Variants in LMOD1 observed in about 807,000 individuals in gnomAD.
The protein encoded by LMOD1 is leiomodin-1.
In LMOD1, 8 loss-of-function variants were observed where a neutral mutation model predicts 36.5. The observed-to-expected ratio is 0.22, with a 90% confidence interval of 0.13 to 0.40. The LOEUF is 0.40. Ranked by LOEUF, LMOD1 falls within the 10% of genes least tolerant of loss-of-function variation. LMOD1 has a pLI of 1.00. For missense variants in LMOD1, 630 were observed against 751.1 expected (o/e 0.84, Z 1.88); for synonymous variants, 284 against 288.7 (o/e 0.98, Z 0.17).
At chr1:201,914,424 A>G (rs1681565777) in intron 1 of LMOD1, among the ~76,000 whole-genome samples, 2 of 152,156 alleles carry the variant, frequency 1.3e-5, no homozygotes, top group Non-Finnish European at 2.9e-5. Context: ...CACATCTGGT[A>G]CGGGGCGGTA....
rs1457131263 is a variant in LMOD1, at chr1:201,920,036, G to GCT, written c.262-19287_262-19286dup. Among the ~76,000 whole-genome samples the GCT allele has an allele frequency of 3.5e-3, 469 of 134,520 alleles. 13 individuals carry two copies. The highest frequency in any genetic ancestry group is 0.012 in the African/African-American group (429 of 35,442). The allele number at this position is 134,520 out of a possible 152,430, so 88.3% of individuals were successfully genotyped here. A position where few individuals can be genotyped will look rare whatever the true frequency, so the allele number is the denominator to read the frequency against. On this transcript the variant is annotated intron_variant, in intron 1 of 2. Coordinates refer to ENST00000367288, the MANE Select transcript of LMOD1 (RefSeq NM_012134.3). ...TCAATGCCATCTCCACCCGCCACTG[G>GCT]CTCTCTCTCTTTTTTTTTTTTTTTT... is the stretch of plus-strand genomic sequence containing the variant.
At chr1:201,898,955 G>A (rs905666108) in intron 2 of LMOD1, among the ~76,000 whole-genome samples, 11 of 152,330 alleles carry the variant, frequency 7.2e-5, no homozygotes, top group African/African-American at 2.6e-4. Context: ...ATTTTAAGGA[G>A]AAACAGGCTT....
At position 201,900,656 on chromosome 1, in the gene LMOD1, T is replaced by A; in HGVS notation, c.357A>T (p.Ser119=). 6.2e-7 allele frequency: 1 copy of A among 1,613,912 alleles called. No individual in the cohort carries two copies. The highest frequency in any genetic ancestry group is 8.5e-7 in the Non-Finnish European group (1 of 1,179,858). The change falls in exon 2 of 3, where the codon TCA becomes TCT. Residue 119 remains serine, a synonymous_variant. Transcript: ENST00000367288. ...CCCTCTTTGGCTCCTTCCCCAGATC[T>A]GAGTCCCGTCTGGGGCCCAGGGCTT... The part of the protein sequence containing the change: ...SKKALGPRRD[S]DLGKEPKRGG...
chr1:201,946,346 C>T lies in LMOD1; in HGVS notation c.-6G>A, dbSNP rs762145794. 1.2e-6 allele frequency: 2 copies of T among 1,612,240 alleles called. No homozygotes were observed. The highest frequency in any genetic ancestry group is 2.2e-5 in the South Asian group (2 of 90,908). Reference sequence around the variant, plus strand: ...TATTTGGCTACTCTAGACATCTTGGCAAAATGGGCTGTGGCTGCCAGGGGC... The same window carrying T: ...TATTTGGCTACTCTAGACATCTTGGTAAAATGGGCTGTGGCTGCCAGGGGC... On this transcript the variant is annotated 5_prime_UTR_variant, in exon 1 of 3. Coordinates refer to ENST00000367288, the MANE Select transcript of LMOD1 (RefSeq NM_012134.3).
chr1:201,902,922 T>C (rs1252793555), intron 1 of LMOD1, among the ~76,000 whole-genome samples: 8 of 152,190 alleles, frequency 5.3e-5, no homozygotes, highest in African/African-American at 1.7e-4. Context: ...GACATTAGAC[T>C]TAACTGTCCA....
At chr1:201,920,474 C>G (rs74136677) in intron 1 of LMOD1, among the ~76,000 whole-genome samples, 1 of 152,050 alleles carries the variant, frequency 6.6e-6, no homozygotes, top group African/African-American at 2.4e-5. Context: ...TTGGAGACAC[C>G]GGTTTTTCCT....
Position 201,897,157 on chromosome 1 carries a change from C to T in LMOD1, c.*1215G>A, listed in dbSNP as rs868312753. 1.2e-5 allele frequency: 3 copies of T among 240,752 alleles called. No homozygotes were observed. Among genetic ancestry groups the T allele is most frequent in the East Asian group, 2.0e-4 (2 of 9,874 alleles). 14.9% of individuals were successfully genotyped at this position (240,752 alleles called of 1,614,324 possible). ...GGGGAGGGCTGGGGAAGATGAGGCC[C>T]CTCTGAGCCCTAGGGCACACAGATA... On this transcript the variant is annotated 3_prime_UTR_variant, in exon 3 of 3. Coordinates refer to ENST00000367288, the MANE Select transcript of LMOD1 (RefSeq NM_012134.3).
At chr1:201,913,376 C>A (rs1287141128) in intron 1 of LMOD1, among the ~76,000 whole-genome samples, 1 of 152,038 alleles carries the variant, frequency 6.6e-6, no homozygotes, top group Non-Finnish European at 1.5e-5. Context: ...GAGGCCGAGG[C>A]GGGTGGATCA....
chr1:201,904,490 G>A (rs1391090273), intron 1 of LMOD1, among the ~76,000 whole-genome samples: 1 of 152,150 alleles, frequency 6.6e-6, no homozygotes, highest in Admixed American at 6.5e-5. Context: ...GATTACAGGC[G>A]TGAGCCACCA....
At chr1:201,924,159 C>T (rs1308857106) in intron 1 of LMOD1, among the ~76,000 whole-genome samples, 1 of 143,258 alleles carries the variant, frequency 7.0e-6, no homozygotes, top group African/African-American at 2.5e-5. Flanking sequence ...TAATAAAATA[C>T]CAAAAAAAAA....
At position 201,913,161 on chromosome 1, in the gene LMOD1, C is replaced by G. The variant is rs192549925; in HGVS notation, c.262-12410G>C. ...CAGCCATTTTATTGTCCATCTTCAC[C>G]CTTTCTCCCAAAGGACTGAGCAGCT... is the stretch of plus-strand genomic sequence containing the variant. On this transcript the variant is annotated intron_variant, in intron 1 of 2. Transcript: ENST00000367288. 1.2e-4 allele frequency among the ~76,000 whole-genome samples: 19 copies of G among 152,278 alleles called. 2 individuals are homozygous for G. The highest frequency in any genetic ancestry group is 4.6e-4 in the African/African-American group (19 of 41,554).
intron 1 of LMOD1, among the ~76,000 whole-genome samples, chr1:201,921,703 A>G (rs58019258): frequency 0.042 from 6,306 of 150,666 alleles, 323 homozygotes; most frequent in East Asian, 0.27. Flanking sequence ...GCTCATGCCT[A>G]TAATCCCAGC....
chr1:201,901,553 CATATATATATGTATATATAT>C lies in LMOD1; in HGVS notation c.262-822_262-803del, dbSNP rs1558234670. The stretch of plus-strand genomic sequence containing the variant: ...ATGTATATATATATATATATATATA[CATATATATATGTATATATAT>C]ATATATATATACATATATATATGTA... On this transcript the variant is annotated intron_variant, in intron 1 of 2. Transcript: ENST00000367288. 4.4e-4 allele frequency among the ~76,000 whole-genome samples: 17 copies of C among 38,358 alleles called. 1 individual carries two copies. Among genetic ancestry groups the C allele is most frequent in the African/African-American group, 2.2e-3 (15 of 6,818 alleles). 25.2% of individuals were successfully genotyped at this position (38,358 alleles called of 152,430 possible).
chr1:201,900,962 C>T (rs1045092022), intron 1 of LMOD1, among the ~76,000 whole-genome samples: 4 of 152,098 alleles, frequency 2.6e-5, no homozygotes, highest in African/African-American at 4.8e-5. Context: ...ACATCAGACT[C>T]AAGGCCTCAG....
chr1:201,898,560 T>A (rs952978913), intron 2 of LMOD1, among the ~76,000 whole-genome samples, 162 bp from the exon 3 acceptor site: 1 of 152,218 alleles, frequency 6.6e-6, no homozygotes, highest in Non-Finnish European at 1.5e-5. Flanking sequence ...AAAAATTGGA[T>A]GTCATTGAGT....
chr1:201,934,219 T>C (rs1681976447), intron 1 of LMOD1, among the ~76,000 whole-genome samples: 1 of 152,218 alleles, frequency 6.6e-6, no homozygotes, highest in African/African-American at 2.4e-5. Flanking sequence ...TGAGCATTTT[T>C]CTTGTGACCT....
rs1437922537 is a variant in LMOD1, at chr1:201,900,063, A to G, written c.950T>C (p.Ile317Thr). 6.2e-7 allele frequency: 1 copy of G among 1,613,770 alleles called. No individual in the cohort carries two copies. Among genetic ancestry groups the G allele is most frequent in the East Asian group, 2.2e-5 (1 of 44,860 alleles). Reference protein sequence around the residue: ...AKVEEEAAPSIFDEPLERVKN... With the variant: ...AKVEEEAAPSTFDEPLERVKN... ...CACTCTCTCCAGAGGCTCATCAAAT[A>G]TGCTGGGAGCTGCCTCCTCCTCCAC... Residue 317 changes from isoleucine (I) to threonine (T), a missense_variant, in exon 2 of 3, where the codon ATA (isoleucine) becomes ACA (threonine). By Grantham distance (89) the Ile-to-Thr change is moderately conservative. This residue lies in a region of LMOD1 where 405 missense variants were observed against 400.6 expected (regional missense o/e 1.01). Coordinates refer to ENST00000367288, the MANE Select transcript of LMOD1 (RefSeq NM_012134.3).
chr1:201,908,401 G>A (rs905414128), intron 1 of LMOD1, among the ~76,000 whole-genome samples: 7 of 152,192 alleles, frequency 4.6e-5, no homozygotes, highest in Non-Finnish European at 8.8e-5. Context: ...AATGACAAGT[G>A]AGGATGGAGT....
At chr1:201,901,633 TATATATATATATATAC>T (rs1282940602) in intron 1 of LMOD1, among the ~76,000 whole-genome samples, 2 of 19,390 alleles carry the variant, frequency 1.0e-4, no homozygotes, top group African/African-American at 1.9e-4. Context: ...TGTGTGTGTA[TATATATATATATATAC>T]ATATATATGT....
Sources: allele counts gnomAD v4.1 joint callset (sites outside exome capture counted in the v4.1 genomes callset), GRCh38; gene constraint gnomAD v4.1.1; regional missense constraint gnomAD v4.1.1; transcripts MANE v1.5; gene names NCBI Gene and HGNC (gene_info 2026-07-23, HGNC 2026-07-21).